CSPP1: variants seen among roughly 807,000 people sequenced by gnomAD.
CSPP1 encodes the protein centrosome and spindle pole associated protein 1.
In CSPP1, 126 loss-of-function variants were observed where a neutral mutation model predicts 164.4. The observed-to-expected ratio is 0.77, with a 90% CI of 0.66 to 0.89. The LOEUF (loss-of-function observed/expected upper bound fraction) is 0.89, where lower values mean the gene tolerates loss of function less well. CSPP1 is among the 40% of genes least tolerant of loss of function. CSPP1 has a pLI of 0.00. For missense variants in CSPP1, 1,395 were observed against 1,449.8 expected (o/e 0.96, Z 0.61); for synonymous variants, 472 against 476.7 (o/e 0.99, Z 0.13).
At chr8:67,086,824 G>T in intron 4 of CSPP1, 3 of 1,358,950 alleles carry the variant, frequency 2.2e-6, no homozygotes, top group South Asian at 1.1e-5. Flanking sequence ...TGACTTTAGG[G>T]CATTACACAA....
intron 15 of CSPP1, among the ~76,000 whole-genome samples, chr8:67,128,548 A>AG (rs1820568871): frequency 6.6e-6 from 1 of 152,070 alleles, no homozygotes; most frequent in East Asian, 1.9e-4. Context: ...TCAAAAAAAA[A>AG]AAAAAAAGCT....
intron 18 of CSPP1, among the ~76,000 whole-genome samples, chr8:67,152,936 G>A (rs199576765): frequency 1.3e-5 from 2 of 152,120 alleles, no homozygotes; most frequent in Admixed American, 6.5e-5. Context: ...GCTGGCTCAC[G>A]CCTGTAATCC....
At chr8:67,093,501 T>C (rs1812057872) in intron 5 of CSPP1, 42 bp from the exon 6 acceptor site, 1 of 1,302,510 alleles carries the variant, frequency 7.7e-7, no homozygotes, top group South Asian at 1.2e-5. Flanking sequence ...TTTTTTTTCC[T>C]GAAGTTGAAT....
At chr8:67,100,973 T>C (rs1356083130) in intron 7 of CSPP1, among the ~76,000 whole-genome samples, 1 of 152,112 alleles carries the variant, frequency 6.6e-6, no homozygotes, top group Admixed American at 6.6e-5. Context: ...GTCACAGTTA[T>C]AATTTATTAC....
In CSPP1 at chr8:67,196,553, TAATTAA is replaced by T. The variant is rs1310238481; in HGVS notation, c.*961_*966del. 6.6e-6 allele frequency among the ~76,000 whole-genome samples: 1 copy of T among 152,240 alleles called. No individual in the cohort carries two copies. The highest frequency in any genetic ancestry group is 1.9e-4 in the East Asian group (1 of 5,196). On this transcript the variant is annotated 3_prime_UTR_variant, in exon 31 of 31. Coordinates refer to ENST00000678616, the MANE Select transcript of CSPP1 (RefSeq NM_001382391.1). ...CTCTCTAATAATACTTCCTCTGATG[TAATTAA>T]CGGTTGGTAGACAATATCAGACAAA...
chr8:67,192,449 G>C (rs1276692932), intron 29 of CSPP1, among the ~76,000 whole-genome samples: 3 of 152,132 alleles, frequency 2.0e-5, no homozygotes, highest in Non-Finnish European at 4.4e-5. Flanking sequence ...TACAAGTCTA[G>C]TTATCAATGT....
chr8:67,064,446 C>T lies in CSPP1; in HGVS notation c.-103C>T, dbSNP rs202181896. On this transcript the variant is annotated 5_prime_UTR_variant, in exon 1 of 31. It adds an upstream start codon to the 5' untranslated region. Transcript: ENST00000678616. ...CCGCTGTAACCTCTTCGGTCCGCGA[C>T]GATCCTCTAGAGCACTGTGTGTCTC... The T allele has an allele frequency of 4.3e-6, 7 of 1,613,844 alleles. No individual in the cohort carries two copies. In the Middle Eastern group the frequency reaches 6.6e-4, roughly 152 times the overall value.
At chr8:67,188,075 GTTAA>G (rs1352840107) in intron 28 of CSPP1, among the ~76,000 whole-genome samples, 3 of 152,282 alleles carry the variant, frequency 2.0e-5, no homozygotes, top group East Asian at 3.9e-4. Flanking sequence ...AAAAGACACT[GTTAA>G]TTAAGAGAAT....
chr8:67,095,659 G>A lies in CSPP1; in HGVS notation c.850G>A (p.Glu284Lys). 2 of 1,613,126 alleles carry A rather than the reference G, an allele frequency of 1.2e-6. No homozygotes were observed. The highest frequency in any genetic ancestry group is 1.7e-6 in the Non-Finnish European group (2 of 1,179,484). ...ACCAGACCAAGATCCTGAAGTAAGT[G>A]AAGAAATGGATGAGAGGTTTAGATA... ...HRPDQDPEVSEEMDERFRYES... is the reference protein window; with the variant it reads ...HRPDQDPEVSKEMDERFRYES... Residue 284 changes from glutamate (E) to lysine (K), a missense_variant, in exon 7 of 31, where the codon GAA becomes AAA. Transcript: ENST00000678616.
intron 8 of CSPP1, among the ~76,000 whole-genome samples, chr8:67,104,999 G>A (rs1349907664): frequency 8.7e-6 from 1 of 115,386 alleles, no homozygotes; most frequent in Non-Finnish European, 1.8e-5. Flanking sequence ...TTTTACTGGG[G>A]TAGCTGTTTT....
At chr8:67,064,572 G>A in intron 1 of CSPP1, 34 bp downstream of exon 1, 1 of 1,561,366 alleles carries the variant, frequency 6.4e-7, no homozygotes, top group Non-Finnish European at 8.6e-7. Flanking sequence ...TGAGGGTGGA[G>A]GGTCCTGGGG....
chr8:67,094,023 G>A (rs542465485), intron 6 of CSPP1, among the ~76,000 whole-genome samples: 61 of 148,300 alleles, frequency 4.1e-4, no homozygotes, highest in Non-Finnish European at 8.4e-4. Flanking sequence ...GGGAGGCTGA[G>A]GCAGGAGAAT....
Position 67,167,512 on chromosome 8 carries a change from C to T in CSPP1, c.2828+3004C>T, listed in dbSNP as rs534698130. On this transcript the variant is annotated intron_variant, in intron 24 of 30. Transcript: ENST00000678616. Reference sequence around the variant, plus strand: ...CTCACTTCCCAGACGGGGCAGCTGCCGGGCGGAGGGGCTCCTCACTTCTCA... The same window carrying T: ...CTCACTTCCCAGACGGGGCAGCTGCTGGGCGGAGGGGCTCCTCACTTCTCA... 9.6e-5 allele frequency among the ~76,000 whole-genome samples: 14 copies of T among 145,614 alleles called. No homozygotes were observed. In the South Asian group the frequency reaches 1.8e-3, roughly 18 times the overall value.
At chr8:67,118,638 C>T in intron 14 of CSPP1, 105 bp from the exon 15 acceptor site, 2 of 810,844 alleles carry the variant, frequency 2.5e-6, no homozygotes, top group Non-Finnish European at 3.9e-6. Flanking sequence ...ATGGTTTTCT[C>T]TATGTAACAT....
chr8:67,193,368 A>G, intron 29 of CSPP1, 96 bp from the exon 30 acceptor site: 2 of 1,105,012 alleles, frequency 1.8e-6, no homozygotes, highest in African/African-American at 3.1e-5. Context: ...AAGTGCTGGG[A>G]TCACAGGTGA....
intron 28 of CSPP1, 95 bp downstream of exon 28, chr8:67,180,021 A>T: frequency 1.7e-6 from 1 of 597,968 alleles, no homozygotes; most frequent in Non-Finnish European, 2.8e-6. Flanking sequence ...TGTACAAGGT[A>T]GTAAAAAAAA....
At chr8:67,159,908 C>CT (rs1348290791) in intron 21 of CSPP1, among the ~76,000 whole-genome samples, 1 of 66,138 alleles carries the variant, frequency 1.5e-5, no homozygotes, top group South Asian at 5.8e-4. Context: ...TTCTTTCTTT[C>CT]TTTCTTTCTT....
At chr8:67,083,485 T>C (rs956057012) in intron 3 of CSPP1, among the ~76,000 whole-genome samples, 13 of 139,514 alleles carry the variant, frequency 9.3e-5, no homozygotes, top group African/African-American at 3.0e-4. Flanking sequence ...TGAGCCAAGA[T>C]TGCGCCACTG....
intron 17 of CSPP1, among the ~76,000 whole-genome samples, chr8:67,146,849 A>G (rs1824692028): frequency 6.6e-6 from 1 of 152,242 alleles, no homozygotes; most frequent in Non-Finnish European, 1.5e-5. Context: ...TACATTTAAA[A>G]TAAAGTCCTA....
Sources: allele counts gnomAD v4.1 joint callset (sites outside exome capture counted in the v4.1 genomes callset), GRCh38; gene constraint gnomAD v4.1.1; transcripts MANE v1.5; gene names NCBI Gene and HGNC (gene_info 2026-07-23, HGNC 2026-07-21).